SNX8: variants seen among roughly 807,000 people sequenced by gnomAD.
The protein encoded by SNX8 is sorting nexin 8.
Under a neutral mutation model 51.6 loss-of-function variants are expected in SNX8, and 25 were observed. The ratio of observed to expected loss-of-function variants is 0.48; its 90% CI spans 0.35 to 0.68. The LOEUF (loss-of-function observed/expected upper bound fraction) is 0.68. SNX8 is among the 30% of genes least tolerant of loss of function. SNX8 has a pLI of 0.00. For missense variants in SNX8, 695 were observed against 624.0 expected (o/e 1.11, Z -1.21); for synonymous variants, 324 against 277.0 (o/e 1.17, Z -1.68).
intron 1 of SNX8, among the ~76,000 whole-genome samples, chr7:2,347,613 CTTT>C (rs779721737): frequency 9.0e-5 from 11 of 121,616 alleles, no homozygotes; most frequent in Middle Eastern, 4.0e-3. Context: ...ACACTGGATT[CTTT>C]TTTTTTTTTT....
At chr7:2,267,315 TC>T (rs1396555952) in intron 5 of SNX8, among the ~76,000 whole-genome samples, 2 of 55,076 alleles carry the variant, frequency 3.6e-5, no homozygotes, top group African/African-American at 6.6e-5. Flanking sequence ...TCCCTCCCCC[TC>T]CCCCTCCCCC....
chr7:2,353,642 T>C (rs1412736525), intron 1 of SNX8, among the ~76,000 whole-genome samples: 1 of 152,052 alleles, frequency 6.6e-6, no homozygotes, highest in African/African-American at 2.4e-5. Context: ...TTCACCATGT[T>C]GTACCATCAC....
Position 2,263,349 on chromosome 7 carries a change from C to T in SNX8, c.796G>A (p.Asp266Asn). 6.2e-7 allele frequency: 1 copy of T among 1,604,554 alleles called. No homozygotes were observed. Among genetic ancestry groups the T allele is most frequent in the Non-Finnish European group, 8.5e-7 (1 of 1,175,662 alleles). Residue 266 changes from aspartate (D) to asparagine (N), a missense_variant, in exon 7 of 11, where the codon GAC (aspartate) becomes AAC (asparagine). Physicochemically the swap from Asp to Asn is conservative, Grantham distance 23. Transcript: ENST00000222990. The stretch of plus-strand genomic sequence containing the variant: ...GCCCAGGAGGGCAGCGGGGTCGTGT[C>T]AGACCCTATTGCACTGAGGGAGCAA... Reference protein sequence around the residue: ...FGKELSAIGSDTTPLPSWAAL... With the variant: ...FGKELSAIGSNTTPLPSWAAL...
intron 1 of SNX8, among the ~76,000 whole-genome samples, chr7:2,300,545 C>T (rs889252808): frequency 2.6e-5 from 4 of 151,762 alleles, no homozygotes; most frequent in African/African-American, 9.7e-5. Context: ...CCCAAGTAAC[C>T]GGAACTACAG....
intron 1 of SNX8, among the ~76,000 whole-genome samples, chr7:2,309,563 C>A (rs890270674): frequency 6.6e-6 from 1 of 151,868 alleles, no homozygotes; most frequent in Non-Finnish European, 1.5e-5. Flanking sequence ...GAAACCCCGT[C>A]TCTACTGAAA....
intron 1 of SNX8, among the ~76,000 whole-genome samples, chr7:2,342,250 A>G (rs1433185844): frequency 6.6e-6 from 1 of 152,086 alleles, no homozygotes; most frequent in Non-Finnish European, 1.5e-5. Flanking sequence ...AAGCAATTCC[A>G]GGTAGAAGGC....
intron 2 of SNX8, among the ~76,000 whole-genome samples, chr7:2,276,338 G>A (rs1014244902): frequency 2.6e-5 from 4 of 152,228 alleles, no homozygotes; most frequent in East Asian, 1.9e-4. Flanking sequence ...CGGGAACCAC[G>A]GCAAAGCCAG....
At chr7:2,332,744 AAGG>A (rs1778759074) in intron 1 of SNX8, among the ~76,000 whole-genome samples, 4 of 37,118 alleles carry the variant, frequency 1.1e-4, no homozygotes, top group South Asian at 1.3e-3. Flanking sequence ...AGAGAGAGAA[AAGG>A]AAGGAAGGAA....
intron 1 of SNX8, among the ~76,000 whole-genome samples, chr7:2,332,821 A>G (rs1778762465): frequency 6.6e-6 from 1 of 151,114 alleles, no homozygotes; most frequent in Admixed American, 6.6e-5. Context: ...AGAAAGAGAA[A>G]GAAAGGAAGG....
At chr7:2,319,753 T>C (rs1796804905) in intron 1 of SNX8, among the ~76,000 whole-genome samples, 1 of 147,136 alleles carries the variant, frequency 6.8e-6, no homozygotes, top group South Asian at 2.1e-4. Context: ...AGCCGGAGCT[T>C]GCAGTGAGCT....
At chr7:2,317,752 T>C (rs757644887), upstream of SNX8, among the ~76,000 whole-genome samples, 2 of 152,044 alleles carry the variant, frequency 1.3e-5, no homozygotes, top group African/African-American at 2.4e-5. Flanking sequence ...TAGGACGCCA[T>C]AGGGTCCCCG....
chr7:2,308,948 C>T (rs1410572043), intron 1 of SNX8, among the ~76,000 whole-genome samples: 1 of 151,992 alleles, frequency 6.6e-6, no homozygotes, highest in Non-Finnish European at 1.5e-5. Context: ...CGCCATTATG[C>T]CCAGCTAATT....
intron 6 of SNX8, among the ~76,000 whole-genome samples, chr7:2,263,763 G>C (rs557732792): frequency 2.2e-4 from 33 of 152,220 alleles, no homozygotes; most frequent in African/African-American, 6.3e-4. Context: ...ACCCAGGCTG[G>C]AGTGCAGTGG....
At chr7:2,295,714 G>C (rs1391599220) in intron 1 of SNX8, among the ~76,000 whole-genome samples, 1 of 151,688 alleles carries the variant, frequency 6.6e-6, no homozygotes, top group African/African-American at 2.4e-5. Flanking sequence ...TTCTAGAGTT[G>C]TTATAGTTTC....
intron 1 of SNX8, among the ~76,000 whole-genome samples, chr7:2,336,881 T>C (rs1481730931): frequency 2.7e-5 from 4 of 149,304 alleles, no homozygotes; most frequent in African/African-American, 9.9e-5. Flanking sequence ...TGGTGATGCA[T>C]GCCTGTAATC....
chr7:2,275,073 G>A (rs373670337), intron 3 of SNX8, 39 bp downstream of exon 3: 54 of 1,394,120 alleles, frequency 3.9e-5, no homozygotes, highest in Non-Finnish European at 4.8e-5. Context: ...AGATGGGCTC[G>A]CTCCCTCCGC....
chr7:2,265,339 C>CA (rs1562425038), intron 5 of SNX8, among the ~76,000 whole-genome samples: 2 of 152,108 alleles, frequency 1.3e-5, no homozygotes, highest in Admixed American at 6.5e-5. Flanking sequence ...GACTCCGTCT[C>CA]AAAAACTAAC....
upstream of SNX8, among the ~76,000 whole-genome samples, chr7:2,317,416 T>C (rs1227603206): frequency 6.6e-6 from 1 of 151,626 alleles, no homozygotes; most frequent in Non-Finnish European, 1.5e-5. Flanking sequence ...TAGCTGGTAT[T>C]ACAGGCGTGT....
chr7:2,301,381 C>T (rs1427778962), intron 1 of SNX8, among the ~76,000 whole-genome samples: 1 of 152,146 alleles, frequency 6.6e-6, no homozygotes, highest in Non-Finnish European at 1.5e-5. Context: ...CGGGCTTAGC[C>T]CAGAGGCTTC....
Sources: gnomAD v4.1 joint callset for allele counts (sites outside exome capture counted in the v4.1 genomes callset) on GRCh38, gnomAD v4.1.1 for gene constraint, MANE v1.5 for transcripts, NCBI Gene and HGNC (gene_info 2026-07-23, HGNC 2026-07-21) for gene names.